DPH6: variants seen among roughly 807,000 people sequenced by gnomAD.
The protein encoded by DPH6 is diphthamine biosynthesis 6.
A neutral mutation model predicts 38.2 loss-of-function variants in DPH6; 33 were observed. The ratio of observed to expected loss-of-function variants is 0.86; its 90% confidence interval spans 0.65 to 1.15. The LOEUF (loss-of-function observed/expected upper bound fraction) is 1.15, where lower values mean the gene tolerates loss of function less well. Among genes scored for constraint, DPH6 ranks in the 50% most tolerant of loss-of-function variants. DPH6 has a pLI of 0.00. For missense variants in DPH6, 325 were observed against 320.0 expected (o/e 1.02, Z -0.12); for synonymous variants, 108 against 103.0 (o/e 1.05, Z -0.30).
chr15:35,269,432 A>T (rs2051806449), intron 3 of DPH6, among the ~76,000 whole-genome samples: 1 of 150,864 alleles, frequency 6.6e-6, no homozygotes, highest in Non-Finnish European at 1.5e-5. Context: ...GTAAGGATAA[A>T]CCTATTTCCG....
chr15:35,542,965 T>TATATATATATATAAAA lies in DPH6; in HGVS notation c.24-459_24-458insTTTTATATATATATAT, dbSNP rs58422347. Reference sequence around the variant, plus strand: ...TAAGGAATATATATATATATATATATAAAATAATTTCATAGAAATTATTGG... The same window carrying TATATATATATATAAAA: ...TAAGGAATATATATATATATATATATATATATATATATAAAAAAAATAATTTCATAGAAATTATTGG... On this transcript the variant is annotated intron_variant, in intron 1 of 8. Transcript: ENST00000256538. Among the ~76,000 whole-genome samples, 7 of 76,170 alleles carry TATATATATATATAAAA rather than the reference T, an allele frequency of 9.2e-5. 1 individual carries two copies. Among genetic ancestry groups the TATATATATATATAAAA allele is most frequent in the East Asian group, 5.2e-4 (1 of 1,924 alleles). The allele number at this position is 76,170 out of a possible 152,430, so 50.0% of individuals were successfully genotyped here.
At chr15:35,532,064 G>A (rs1256496264) in intron 3 of DPH6, among the ~76,000 whole-genome samples, 1 of 152,094 alleles carries the variant, frequency 6.6e-6, no homozygotes, top group Non-Finnish European at 1.5e-5. Flanking sequence ...TTCTTCAGGA[G>A]GACAAAGAGA....
At chr15:35,176,332 G>C in the DPH6 span, among the ~76,000 whole-genome samples, 4 of 152,174 alleles carry the variant, frequency 2.6e-5, no homozygotes, top group Admixed American at 2.6e-4. Flanking sequence ...AACAATATGA[G>C]GGCTATTTAT....
chr15:35,431,864 T>G (rs1280613851), intron 5 of DPH6, among the ~76,000 whole-genome samples: 1 of 152,080 alleles, frequency 6.6e-6, no homozygotes, highest in East Asian at 1.9e-4. Context: ...CTCGGCTCAC[T>G]GCAAGCTCCG....
intron 6 of DPH6, among the ~76,000 whole-genome samples, chr15:35,407,368 T>C (rs2053308301): frequency 1.3e-5 from 2 of 151,954 alleles, no homozygotes; most frequent in South Asian, 4.1e-4. Context: ...CATGTATACT[T>C]AGTGTTCACC....
intron 3 of DPH6, chr15:35,522,239 G>A (rs770608257): frequency 6.2e-7 from 1 of 1,613,222 alleles, no homozygotes; most frequent in Admixed American, 1.7e-5. Context: ...TGGAGATTCA[G>A]AGCATCATAT....
rs969647935 is a variant in DPH6 at position 35,524,385 on chromosome 15, A to G, written c.312+13889T>C. Among the ~76,000 whole-genome samples the G allele has an allele frequency of 1.3e-4, 20 of 152,302 alleles. 1 individual carries two copies. Among genetic ancestry groups the G allele is most frequent in the South Asian group, 1.2e-3 (6 of 4,824 alleles). On this transcript the variant is annotated intron_variant, in intron 3 of 8. Transcript: ENST00000256538. ...AGAGCTCTGAAACAAGATCAGACAC[A>G]GACAGATCACTTTGATCCCTGACTT... is the stretch of plus-strand genomic sequence containing the variant.
rs2052031617 is a variant in DPH6, at chr15:35,298,654, C to T, written n.200+74867G>A. On this transcript the variant is annotated intron_variant and non_coding_transcript_variant, in intron 3 of 3. Transcript: ENST00000560386. ...CACCAAGCTTGCTGGTCTTCTCCAC[C>T]GAAAAGGCGGTGCTCAGCCCCTGCT... 7 of 1,286,474 alleles carry T rather than the reference C, an allele frequency of 5.4e-6. No homozygotes were observed. The Admixed American group carries it at 6.7e-5, about 12-fold the overall frequency. The allele number at this position is 1,286,474 out of a possible 1,614,324, so 79.7% of individuals were successfully genotyped here.
chr15:35,183,275 ACT>A, the DPH6 span, among the ~76,000 whole-genome samples: 4,255 of 152,172 alleles, frequency 0.028, 279 homozygotes, highest in East Asian at 0.3. Flanking sequence ...ATGTAGTAAA[ACT>A]CTGCCAGTTC....
At chr15:35,359,575 G>C (rs2052596294) in intron 3 of DPH6, among the ~76,000 whole-genome samples, 1 of 152,112 alleles carries the variant, frequency 6.6e-6, no homozygotes, top group African/African-American at 2.4e-5. Flanking sequence ...CCTGTATTTT[G>C]CTTGGCTCTC....
At chr15:35,218,902 A>T (rs1393721048) in exon 4 of DPH6, 2 of 152,198 alleles carry the variant, frequency 1.3e-5, no homozygotes, top group Non-Finnish European at 2.9e-5. Flanking sequence ...AAATCCTTAA[A>T]AAATAATGAA....
intron 3 of DPH6, among the ~76,000 whole-genome samples, chr15:35,354,826 T>C (rs2052545591): frequency 6.6e-6 from 1 of 151,912 alleles, no homozygotes; most frequent in African/African-American, 2.4e-5. Context: ...TCCTAACTTA[T>C]TCCTGGATAT....
intron 3 of DPH6, among the ~76,000 whole-genome samples, chr15:35,471,790 T>C (rs1393388437): frequency 6.6e-6 from 1 of 151,944 alleles, no homozygotes; most frequent in African/African-American, 2.4e-5. Context: ...TTTGTATCTC[T>C]TACTCTGTAC....
At chr15:35,179,204 CAAAAAAA>C in the DPH6 span, among the ~76,000 whole-genome samples, 499 of 50,608 alleles carry the variant, frequency 9.9e-3, 1 homozygote, top group Middle Eastern at 0.12. Flanking sequence ...ACAACTCTGT[CAAAAAAA>C]AAAAAAAAAA....
At chr15:35,384,792 C>T (rs1244824830) in intron 6 of DPH6, among the ~76,000 whole-genome samples, 5 of 152,140 alleles carry the variant, frequency 3.3e-5, no homozygotes, top group Non-Finnish European at 7.4e-5. Flanking sequence ...AACTAGGGAG[C>T]TTCTGCACAG....
At chr15:35,395,919 TATC>T (rs1267793135) in intron 6 of DPH6, among the ~76,000 whole-genome samples, 1 of 152,162 alleles carries the variant, frequency 6.6e-6, no homozygotes, top group African/African-American at 2.4e-5. Flanking sequence ...TACACATACT[TATC>T]ATTCAATTCT....
intron 3 of DPH6, among the ~76,000 whole-genome samples, chr15:35,307,050 T>A (rs2052097967): frequency 6.6e-6 from 1 of 152,024 alleles, no homozygotes; most frequent in African/African-American, 2.4e-5. Flanking sequence ...CACAGTACAA[T>A]CACAAAAATA....
intron 3 of DPH6, among the ~76,000 whole-genome samples, chr15:35,220,861 T>C (rs917819498): frequency 1.2e-4 from 19 of 152,150 alleles, no homozygotes; most frequent in African/African-American, 4.3e-4. Context: ...CCAAAACTTA[T>C]ACATTCGTTT....
At chr15:35,198,073 C>T in the DPH6 span, among the ~76,000 whole-genome samples, 29 of 151,460 alleles carry the variant, frequency 1.9e-4, no homozygotes, top group Non-Finnish European at 4.1e-4. Context: ...GCCCTGCTGG[C>T]TTTATTTTAT....
Sources: gnomAD v4.1 joint callset for allele counts (sites outside exome capture counted in the v4.1 genomes callset) on GRCh38, gnomAD v4.1.1 for gene constraint, MANE v1.5 for transcripts, NCBI Gene and HGNC (gene_info 2026-07-23, HGNC 2026-07-21) for gene names.